The following AFTPH variants were observed in gnomAD, a reference collection of about 807,000 sequenced individuals.
AFTPH encodes the protein aftiphilin.
In AFTPH, 7 loss-of-function variants were observed where a neutral mutation model predicts 72.5. That is an observed-to-expected ratio of 0.10 (90% CI 0.05 to 0.18). The LOEUF is 0.18. Ranked by LOEUF, AFTPH falls within the 10% of genes least tolerant of loss-of-function variation. The pLI, the probability that AFTPH is intolerant of heterozygous loss-of-function variation, is 1.00. For missense variants in AFTPH, 979 were observed against 1,060.5 expected, an observed-to-expected ratio of 0.92 and a Z score of 1.07; for synonymous variants, 337 against 370.1, an observed-to-expected ratio of 0.91 and a Z score of 1.03.
rs1671044317 is a variant in AFTPH at position 64,551,447 on chromosome 2, AAATT to A, written c.-22_-19del. The A allele has an allele frequency of 1.3e-6, 2 of 1,585,230 alleles. No homozygotes were observed. The highest frequency in any genetic ancestry group is 1.4e-5 in the African/African-American group (1 of 73,402). ...TTCTTTTTTTCTTTTTTACAGGTGT[AAATT>A]AATTATTTGAAAGCAACTGAACAAT... On this transcript the variant is annotated 5_prime_UTR_variant, in exon 2 of 9. The change abolishes the stop of an existing upstream ORF in the 5' untranslated region. Coordinates refer to ENST00000238856, the Ensembl canonical transcript of AFTPH.
At chr2:64,531,634 A>G (rs980984654) in intron 1 of AFTPH, among the ~76,000 whole-genome samples, 2 of 152,226 alleles carry the variant, frequency 1.3e-5, no homozygotes, top group Admixed American at 6.5e-5. Context: ...CCACTAGCCA[A>G]ATGTGTCACT....
chr2:64,539,887 G>A (rs897276196), intron 1 of AFTPH, among the ~76,000 whole-genome samples: 5 of 152,084 alleles, frequency 3.3e-5, no homozygotes, highest in Admixed American at 1.3e-4. Context: ...AAGAAGCTTG[G>A]TGGTGAGGAG....
At chr2:64,531,718 A>G (rs1669641484) in intron 1 of AFTPH, among the ~76,000 whole-genome samples, 1 of 152,236 alleles carries the variant, frequency 6.6e-6, no homozygotes, top group South Asian at 2.1e-4. Context: ...ACTAATGTGA[A>G]ATATATCAGT....
chr2:64,546,884 C>CAA (rs758378321), intron 1 of AFTPH, among the ~76,000 whole-genome samples: 4 of 133,888 alleles, frequency 3.0e-5, no homozygotes, highest in Non-Finnish European at 4.9e-5. Context: ...AAAAAAAATC[C>CAA]AAAAAAAAAA....
chr2:64,573,357 G>C (rs1489919600), intron 6 of AFTPH, among the ~76,000 whole-genome samples: 2 of 151,172 alleles, frequency 1.3e-5, no homozygotes, highest in Admixed American at 1.3e-4. Context: ...TTTAAAACAG[G>C]TATCTCTAAA....
At chr2:64,551,404 A>G (rs765270230) in intron 1 of AFTPH, 39 bp from the exon 2 acceptor site, 60 of 1,465,158 alleles carry the variant, frequency 4.1e-5, no homozygotes, top group Non-Finnish European at 5.0e-5. Flanking sequence ...GTTCTATGTA[A>G]TCTGTCCCCT....
chr2:64,535,631 A>G (rs756054872), intron 1 of AFTPH, among the ~76,000 whole-genome samples: 14 of 152,248 alleles, frequency 9.2e-5, no homozygotes, highest in Non-Finnish European at 1.6e-4. Context: ...CTTGCACAGT[A>G]CCTATCACAT....
chr2:64,553,215 G>C, exon 2 of AFTPH: 1 of 1,614,190 alleles, frequency 6.2e-7, no homozygotes, highest in Non-Finnish European at 8.5e-7. Flanking sequence ...TGAACAAAAA[G>C]ATAGTTGTTC....
At chr2:64,528,084 A>G (rs571244743) in intron 1 of AFTPH, among the ~76,000 whole-genome samples, 46 of 152,360 alleles carry the variant, frequency 3.0e-4, no homozygotes, top group Non-Finnish European at 5.6e-4. Flanking sequence ...AGCTAACTTG[A>G]AGATAAACCT....
chr2:64,586,768 G>C (rs1673542808), intron 8 of AFTPH, among the ~76,000 whole-genome samples: 1 of 152,144 alleles, frequency 6.6e-6, no homozygotes, highest in Admixed American at 6.5e-5. Context: ...ACTTGTAAAT[G>C]TGGCTATGTG....
intron 6 of AFTPH, among the ~76,000 whole-genome samples, chr2:64,575,188 T>C (rs1323636743): frequency 6.6e-6 from 1 of 152,222 alleles, no homozygotes; most frequent in Non-Finnish European, 1.5e-5. Context: ...ATCATGTTTC[T>C]TTTATAATTT....
At chr2:64,588,885 A>G (rs1431271055) in intron 8 of AFTPH, among the ~76,000 whole-genome samples, 2 of 152,026 alleles carry the variant, frequency 1.3e-5, no homozygotes, top group African/African-American at 4.8e-5. Context: ...GTGCCCAGCC[A>G]TTTGCCTATA....
chr2:64,569,664 G>A lies in AFTPH; in HGVS notation c.2256G>A (p.Met752Ile). ...AGAAGCAGCCTGTTATAGTGCCCAT[G>A]TATGCAGCAGGATTGGTAAGTACAA... Residue 752 changes from methionine (M) to isoleucine (I), a missense_variant, in exon 5 of 9, where the codon ATG (methionine) becomes ATA (isoleucine). By Grantham distance (10) the Met-to-Ile change is conservative. Coordinates refer to ENST00000238856, the Ensembl canonical transcript of AFTPH. 6.2e-7 allele frequency: 1 copy of A among 1,613,690 alleles called. No homozygotes were observed. Among genetic ancestry groups the A allele is most frequent in the Non-Finnish European group, 8.5e-7 (1 of 1,179,788 alleles).
At chr2:64,548,504 C>A (rs1013345089) in intron 1 of AFTPH, among the ~76,000 whole-genome samples, 1 of 149,016 alleles carries the variant, frequency 6.7e-6, no homozygotes, top group African/African-American at 2.5e-5. Context: ...GTATAACTTG[C>A]CTAAATAATC....
At chr2:64,531,078 AAAAC>A (rs1211439089) in intron 1 of AFTPH, among the ~76,000 whole-genome samples, 6 of 151,482 alleles carry the variant, frequency 4.0e-5, no homozygotes, top group East Asian at 1.9e-4. Context: ...AAAAAAAAAA[AAAAC>A]ACCACAAAAT....
At chr2:64,580,588 T>C (rs1457770598) in intron 7 of AFTPH, 3 of 152,584 alleles carry the variant, frequency 2.0e-5, no homozygotes, top group Non-Finnish European at 4.4e-5. Context: ...ACAACTTCTT[T>C]AAAAATGTAT....
intron 7 of AFTPH, among the ~76,000 whole-genome samples, chr2:64,582,321 T>TAACA (rs1307682021): frequency 2.0e-5 from 3 of 152,220 alleles, no homozygotes; most frequent in South Asian, 2.1e-4. Context: ...TGGGGGAGAC[T>TAACA]AACAGTCAGC....
At chr2:64,582,773 C>T (rs915971497) in intron 7 of AFTPH, among the ~76,000 whole-genome samples, 1 of 152,090 alleles carries the variant, frequency 6.6e-6, no homozygotes, top group Non-Finnish European at 1.5e-5. Context: ...TCTTTTGGAT[C>T]CCTAAAAACC....
At chr2:64,550,353 C>A (rs1428814967) in intron 1 of AFTPH, among the ~76,000 whole-genome samples, 1 of 151,980 alleles carries the variant, frequency 6.6e-6, no homozygotes, top group Non-Finnish European at 1.5e-5. Flanking sequence ...CATAGTGAGA[C>A]CCTGTCTCTG....
Sources: allele counts gnomAD v4.1 joint callset (sites outside exome capture counted in the v4.1 genomes callset), GRCh38; gene constraint gnomAD v4.1.1; transcripts MANE v1.5; gene names NCBI Gene and HGNC (gene_info 2026-07-23, HGNC 2026-07-21).